DRD3: variants seen among roughly 807,000 people sequenced by gnomAD.
DRD3 encodes the protein dopamine receptor D3.
DRD3 carries 19 observed loss-of-function variants against 36.3 expected under a neutral mutation model. The observed-to-expected ratio is 0.52, with a 90% CI of 0.36 to 0.77. DRD3 has a LOEUF of 0.77. DRD3 is among the 30% of genes least tolerant of loss of function. DRD3 has a pLI of 0.00. For missense variants in DRD3, 465 were observed against 505.3 expected (o/e 0.92, Z 0.77); for synonymous variants, 195 against 203.7 (o/e 0.96, Z 0.36).
chr3:114,145,777 G>A (rs2077564994), intron 4 of DRD3, among the ~76,000 whole-genome samples: 2 of 152,136 alleles, frequency 1.3e-5, no homozygotes, highest in African/African-American at 4.8e-5. Context: ...GTAATAAGTT[G>A]TATGGTACAT....
At chr3:114,142,842 C>T (rs1357235831) in intron 4 of DRD3, among the ~76,000 whole-genome samples, 1 of 152,238 alleles carries the variant, frequency 6.6e-6, no homozygotes, top group Non-Finnish European at 1.5e-5. Context: ...TTCCTTCCTC[C>T]CCTATCTAAG....
chr3:114,128,727 G>C lies in DRD3; in HGVS notation c.1192C>G (p.Leu398Val), dbSNP rs2077398847. The change falls in exon 7 of 7, where the codon CTG (leucine) becomes GTG (valine). Residue 398 changes from leucine to valine, a missense_variant. By Grantham distance (32) the Leu-to-Val change is conservative. Transcript: ENST00000383673. ...CCTCTTCTGCTCCCTCAGCAAGACA[G>C]GATCTTGAGGAAGGCTTTCCGGAAC... ...IEFRKAFLKI[L>V]SC is the part of the protein sequence containing the mutation. 5.0e-6 allele frequency: 8 copies of C among 1,600,660 alleles called. No homozygotes were observed. Among genetic ancestry groups the C allele is most frequent in the Non-Finnish European group, 6.8e-6 (8 of 1,172,644 alleles).
chr3:114,162,114 G>A (rs1214726048), intron 2 of DRD3, among the ~76,000 whole-genome samples: 1 of 152,162 alleles, frequency 6.6e-6, no homozygotes, highest in Non-Finnish European at 1.5e-5. Flanking sequence ...TTTACAAAAT[G>A]TACTACAGGG....
chr3:114,128,613 C>G lies in DRD3; in HGVS notation c.*103G>C. 8.3e-7 allele frequency: 1 copy of G among 1,209,892 alleles called. No individual in the cohort carries two copies. Among genetic ancestry groups the G allele is most frequent in the South Asian group, 2.1e-5 (1 of 46,896 alleles). 74.9% of individuals were successfully genotyped at this position (1,209,892 alleles called of 1,614,324 possible). On this transcript the variant is annotated 3_prime_UTR_variant, in exon 7 of 7. Coordinates refer to ENST00000383673, the MANE Select transcript of DRD3 (RefSeq NM_000796.6). ...GCAGGGACATCCTGGCTCCAGGAAT[C>G]TTCTTCCTACTGCATGCCGGAGGAC... is the stretch of plus-strand genomic sequence containing the variant.
rs553499852 is a variant in DRD3 at position 114,152,027 on chromosome 3, A to T, written c.384-4470T>A. On this transcript the variant is annotated intron_variant, in intron 3 of 6. Coordinates refer to ENST00000383673, the MANE Select transcript of DRD3 (RefSeq NM_000796.6). ...TGGAGATTTTGATTTAGTACTTCTG[A>T]AGTGGAACCCAGAAATGTGCATTTT... is the stretch of plus-strand genomic sequence containing the variant. Among the ~76,000 whole-genome samples, 200 of 152,318 alleles carry T rather than the reference A, an allele frequency of 1.3e-3. 1 individual carries two copies. Among genetic ancestry groups the T allele is most frequent in the Non-Finnish European group, 2.6e-3 (179 of 68,024 alleles).
intron 1 of DRD3, among the ~76,000 whole-genome samples, chr3:114,190,489 TTTTTTTTTTTTTTA>T (rs2078005552): frequency 2.4e-5 from 2 of 82,360 alleles, no homozygotes; most frequent in African/African-American, 4.9e-5. Context: ...TTTTTTTTTT[TTTTTTTTTTTTTTA>T]CAGAGCAAAC....
chr3:114,187,270 C>T (rs2077980718), intron 1 of DRD3, among the ~76,000 whole-genome samples: 1 of 152,242 alleles, frequency 6.6e-6, no homozygotes, highest in Non-Finnish European at 1.5e-5. Context: ...TGTTCACACA[C>T]TGTGCTTCTC....
At chr3:114,174,297 T>C (rs1432358250) in intron 1 of DRD3, among the ~76,000 whole-genome samples, 1 of 152,150 alleles carries the variant, frequency 6.6e-6, no homozygotes, top group East Asian at 1.9e-4. Flanking sequence ...TGGGCCACTT[T>C]GGAACACAGT....
chr3:114,156,777 T>G lies in DRD3; in HGVS notation c.383+2978A>C, dbSNP rs540137796. On this transcript the variant is annotated intron_variant, in intron 3 of 6. Coordinates refer to ENST00000383673, the MANE Select transcript of DRD3 (RefSeq NM_000796.6). ...TTTCTTTCTTTCTTTCTTTCTTTCT[T>G]TCTTTCTTTCTTTCTTTCTTTCTCT... Among the ~76,000 whole-genome samples the G allele has an allele frequency of 7.2e-4, 89 of 124,374 alleles. 2 individuals are homozygous for G. Among genetic ancestry groups the G allele is most frequent in the African/African-American group, 2.5e-3 (87 of 34,742 alleles). 81.6% of individuals were successfully genotyped at this position (124,374 alleles called of 152,430 possible). A position where few individuals can be genotyped will look rare whatever the true frequency, so the allele number is the denominator to read the frequency against.
At chr3:114,156,775 C>CTTTCTT (rs2077678410) in intron 3 of DRD3, among the ~76,000 whole-genome samples, 1 of 99,778 alleles carries the variant, frequency 1.0e-5, no homozygotes, top group African/African-American at 3.6e-5. Context: ...TTCTTTCTTT[C>CTTTCTT]TTTCTTTCTT....
intron 1 of DRD3, among the ~76,000 whole-genome samples, chr3:114,190,910 T>C (rs1176786679): frequency 6.6e-6 from 1 of 151,836 alleles, no homozygotes; most frequent in African/African-American, 2.4e-5. Context: ...ATCATCTGAG[T>C]AGAAAAGGAA....
intron 4 of DRD3, among the ~76,000 whole-genome samples, chr3:114,142,089 G>A (rs1463672011): frequency 6.7e-6 from 1 of 150,358 alleles, no homozygotes; most frequent in Non-Finnish European, 1.5e-5. Context: ...AAAAGAAAAT[G>A]GCTCATAGGC....
chr3:114,137,224 A>G (rs887646349), intron 5 of DRD3, among the ~76,000 whole-genome samples: 7 of 152,208 alleles, frequency 4.6e-5, no homozygotes, highest in Non-Finnish European at 7.3e-5. Flanking sequence ...CTATGATCAG[A>G]CATGGCCCAC....
At chr3:114,168,105 A>G (rs1048606115) in intron 2 of DRD3, among the ~76,000 whole-genome samples, 1 of 152,228 alleles carries the variant, frequency 6.6e-6, no homozygotes, top group Non-Finnish European at 1.5e-5. Flanking sequence ...CATTTAAGCC[A>G]ATTGGAGTTA....
At chr3:114,146,235 G>A (rs886535142) in intron 4 of DRD3, among the ~76,000 whole-genome samples, 1 of 152,036 alleles carries the variant, frequency 6.6e-6, no homozygotes, top group Non-Finnish European at 1.5e-5. Flanking sequence ...CTATGTGACT[G>A]GTACATATAT....
chr3:114,180,720 A>C (rs1173987525), upstream of DRD3, among the ~76,000 whole-genome samples: 1 of 152,212 alleles, frequency 6.6e-6, no homozygotes, highest in African/African-American at 2.4e-5. Context: ...CTTATTGGGC[A>C]TAAATGTATT....
intron 1 of DRD3, among the ~76,000 whole-genome samples, chr3:114,190,786 A>AAGC (rs1456674699): frequency 2.0e-5 from 3 of 151,986 alleles, no homozygotes; most frequent in Non-Finnish European, 4.4e-5. Context: ...CTAAGTTAAG[A>AAGC]AGCAAGGAAA....
intron 2 of DRD3, among the ~76,000 whole-genome samples, chr3:114,161,473 G>T (rs2077732343): frequency 6.6e-6 from 1 of 152,086 alleles, no homozygotes; most frequent in Non-Finnish European, 1.5e-5. Context: ...TCTTCCCATT[G>T]GATTTATTTC....
At chr3:114,190,411 A>AACATAT (rs1368425474) in intron 1 of DRD3, among the ~76,000 whole-genome samples, 20 of 40,886 alleles carry the variant, frequency 4.9e-4, no homozygotes, top group Admixed American at 1.7e-3. Flanking sequence ...GAAAAAGGAT[A>AACATAT]ATATATATAT....
Sources: allele counts gnomAD v4.1 joint callset (sites outside exome capture counted in the v4.1 genomes callset), GRCh38; gene constraint gnomAD v4.1.1; transcripts MANE v1.5; gene names NCBI Gene and HGNC (gene_info 2026-07-23, HGNC 2026-07-21).